Variants in TEX9 observed in about 807,000 individuals in gnomAD.
The protein encoded by TEX9 is testis expressed 9.
A neutral mutation model predicts 59.6 loss-of-function variants in TEX9; 74 were observed. The ratio of observed to expected loss-of-function variants is 1.24; its 90% confidence interval spans 1.03 to 1.51. The LOEUF is 1.51. Among genes scored for constraint, TEX9 ranks in the 40% most tolerant of loss-of-function variants. The pLI is 0.00. For missense variants in TEX9, 522 were observed against 447.8 expected, an observed-to-expected ratio of 1.17 and a Z score of -1.49; for synonymous variants, 186 against 152.2, an observed-to-expected ratio of 1.22 and a Z score of -1.64.
the TEX9 span, among the ~76,000 whole-genome samples, chr15:56,455,985 C>T: frequency 1.1e-4 from 16 of 152,188 alleles, no homozygotes; most frequent in East Asian, 1.7e-3. Flanking sequence ...AACATTAAGA[C>T]TAAAGTTCCT....
intron 1 of TEX9, among the ~76,000 whole-genome samples, chr15:56,283,049 G>GGGGTGTGT (rs140785812): frequency 7.6e-4 from 113 of 148,552 alleles, no homozygotes; most frequent in African/African-American, 2.7e-3. Context: ...TACATTGTGT[G>GGGGTGTGT]GTGTGTGTGT....
intron 10 of TEX9, among the ~76,000 whole-genome samples, chr15:56,420,734 T>G (rs1288028216): frequency 6.6e-6 from 1 of 151,970 alleles, no homozygotes; most frequent in Non-Finnish European, 1.5e-5. Context: ...CCACCAAATT[T>G]GATTTTTTGT....
chr15:56,353,972 G>A (rs2046634797), intron 1 of TEX9, among the ~76,000 whole-genome samples: 1 of 152,042 alleles, frequency 6.6e-6, no homozygotes, highest in Non-Finnish European at 1.5e-5. Context: ...TATTTTAGAT[G>A]GGTTATCTTA....
At chr15:56,345,790 A>G (rs2046459213) in intron 1 of TEX9, among the ~76,000 whole-genome samples, 1 of 152,222 alleles carries the variant, frequency 6.6e-6, no homozygotes, top group African/African-American at 2.4e-5. Context: ...AAGACTGTGG[A>G]TAAACTAGTA....
chr15:56,293,794 G>A lies in TEX9; in HGVS notation c.-107+49516G>A, dbSNP rs1895861. On this transcript the variant is annotated intron_variant, in intron 1 of 5. Coordinates refer to the TEX9 transcript ENST00000560827. ...GTGTGTCTCACATTGTGGCTGGAAG[G>A]ATTTAACACCATCCATGACTTCATG... is the stretch of plus-strand genomic sequence containing the variant. 7.2e-3 allele frequency among the ~76,000 whole-genome samples: 1,103 copies of A among 152,328 alleles called. 10 individuals are homozygous for A. Among genetic ancestry groups the A allele is most frequent in the African/African-American group, 0.025 (1,051 of 41,564 alleles).
intron 12 of TEX9, among the ~76,000 whole-genome samples, chr15:56,430,587 TTAAC>T: frequency 6.6e-6 from 1 of 152,300 alleles, no homozygotes; most frequent in East Asian, 1.9e-4. Flanking sequence ...AAAATCAAGT[TTAAC>T]TAGTTATAAC....
rs185174237 is a variant in TEX9, at chr15:56,431,232, G to T, written c.*29+2759G>T. On this transcript the variant is annotated intron_variant, in intron 12 of 12. Coordinates refer to ENST00000352903, the Ensembl canonical transcript of TEX9. ...ACTGAAATGGGCCCAGAGAGGTTCA[G>T]TGCCTGGACAGGAGGATCCCATTGC... is the stretch of plus-strand genomic sequence containing the variant. 6.9e-6 allele frequency: 6 copies of T among 867,758 alleles called. No individual in the cohort carries two copies. The South Asian group carries it at 7.5e-5, about 11-fold the overall frequency. 53.8% of individuals were successfully genotyped at this position (867,758 alleles called of 1,614,324 possible). A position where few individuals can be genotyped will look rare whatever the true frequency, so the allele number is the denominator to read the frequency against.
At chr15:56,292,012 G>A (rs1450476344) in intron 1 of TEX9, among the ~76,000 whole-genome samples, 2 of 152,216 alleles carry the variant, frequency 1.3e-5, no homozygotes, top group Non-Finnish European at 2.9e-5. Flanking sequence ...CTCAACTGAG[G>A]CGCTGGCATA....
intron 1 of TEX9, among the ~76,000 whole-genome samples, chr15:56,334,000 C>T (rs2718903): frequency 0.032 from 4,820 of 151,952 alleles, 190 homozygotes; most frequent in East Asian, 0.095. Flanking sequence ...AACACTGATA[C>T]AAGAAATTGA....
At chr15:56,309,694 T>TTTTTTG (rs2045562589) in intron 1 of TEX9, among the ~76,000 whole-genome samples, 1 of 9,904 alleles carries the variant, frequency 1.0e-4, no homozygotes, top group Non-Finnish European at 2.4e-4. Flanking sequence ...TTATGGGAAG[T>TTTTTTG]TTTTTTTTTT....
intron 1 of TEX9, among the ~76,000 whole-genome samples, chr15:56,349,500 A>G (rs2046534235): frequency 2.0e-5 from 3 of 152,130 alleles, no homozygotes; most frequent in Non-Finnish European, 4.4e-5. Flanking sequence ...GGCCTGAAAG[A>G]CTATGGGTTT....
chr15:56,349,751 GTA>G (rs1222736838), intron 1 of TEX9, among the ~76,000 whole-genome samples: 3 of 151,702 alleles, frequency 2.0e-5, no homozygotes, highest in South Asian at 2.1e-4. Flanking sequence ...ATATGTGTGT[GTA>G]TATATATACA....
downstream of TEX9, chr15:56,447,703 T>C (rs1013551082): frequency 1.3e-5 from 2 of 152,182 alleles, no homozygotes; most frequent in East Asian, 3.8e-4. Flanking sequence ...AAGGATACAG[T>C]TTGATAAGTT....
chr15:56,316,223 T>C (rs1463184402), intron 1 of TEX9, among the ~76,000 whole-genome samples: 3 of 150,384 alleles, frequency 2.0e-5, no homozygotes, highest in Admixed American at 6.7e-5. Flanking sequence ...GGAGGAGAGG[T>C]GCTCTGATTT....
intron 1 of TEX9, among the ~76,000 whole-genome samples, chr15:56,350,038 T>C (rs1187729975): frequency 6.6e-6 from 1 of 152,150 alleles, no homozygotes; most frequent in African/African-American, 2.4e-5. Flanking sequence ...TGTGCTGTCA[T>C]AGGTCCCGGT....
intron 1 of TEX9, among the ~76,000 whole-genome samples, chr15:56,259,775 G>T (rs181466925): frequency 1.3e-5 from 2 of 151,966 alleles, no homozygotes; most frequent in East Asian, 3.8e-4. Context: ...CAAAAATTCT[G>T]TTAGGATCTT....
intron 4 of TEX9, among the ~76,000 whole-genome samples, chr15:56,386,951 C>T (rs2047986209): frequency 6.6e-6 from 1 of 151,792 alleles, no homozygotes; most frequent in South Asian, 2.1e-4. Flanking sequence ...AATGATATTC[C>T]ACCTAAATAA....
At chr15:56,283,292 A>G (rs2141464764) in intron 1 of TEX9, among the ~76,000 whole-genome samples, 1 of 152,266 alleles carries the variant, frequency 6.6e-6, no homozygotes. Context: ...AACGCATGCA[A>G]TCAATGAATG....
chr15:56,315,291 G>T (rs2045727636), intron 1 of TEX9, among the ~76,000 whole-genome samples: 3 of 143,524 alleles, frequency 2.1e-5, no homozygotes, highest in African/African-American at 7.6e-5. Flanking sequence ...GCTGGTACCG[G>T]TTGTTCCTTT....
Sources: allele counts gnomAD v4.1 joint callset (sites outside exome capture counted in the v4.1 genomes callset), GRCh38; gene constraint gnomAD v4.1.1; transcripts MANE v1.5; gene names NCBI Gene and HGNC (gene_info 2026-07-23, HGNC 2026-07-21).